ATP8A2: variants seen among roughly 807,000 people sequenced by gnomAD.
The protein encoded by ATP8A2 is ATPase phospholipid transporting 8A2.
Under a neutral mutation model 165.6 loss-of-function variants are expected in ATP8A2, and 100 were observed. The observed-to-expected ratio is 0.60, with a 90% CI of 0.51 to 0.71. The LOEUF (loss-of-function observed/expected upper bound fraction) is 0.71, where lower values mean the gene tolerates loss of function less well. ATP8A2 is among the 30% of genes least tolerant of loss of function. The probability of loss-of-function intolerance (pLI) is 0.00; values close to 1 mark genes in which losing one functional copy is unlikely to be tolerated. For synonymous variants in ATP8A2, 543 were observed against 548.8 expected, an observed-to-expected ratio of 0.99 and a Z score of 0.15; for missense variants, 1,227 against 1,479.5, an observed-to-expected ratio of 0.83 and a Z score of 2.80.
intron 24 of ATP8A2, among the ~76,000 whole-genome samples, chr13:25,623,962 T>TTG (rs112670931): frequency 1.9e-4 from 29 of 151,428 alleles, no homozygotes; most frequent in East Asian, 7.8e-4. Flanking sequence ...TATATCTATA[T>TTG]TGTGTGTGTG....
At chr13:25,877,635 C>G (rs1448522329) in intron 33 of ATP8A2, among the ~76,000 whole-genome samples, 1 of 152,176 alleles carries the variant, frequency 6.6e-6, no homozygotes, top group Non-Finnish European at 1.5e-5. Context: ...TTAAGGGTGT[C>G]TCCTCCCATG....
intron 24 of ATP8A2, among the ~76,000 whole-genome samples, chr13:25,665,649 G>A (rs139025948): frequency 2.0e-5 from 3 of 147,422 alleles, no homozygotes; most frequent in African/African-American, 7.9e-5. Flanking sequence ...TTAAATTCCA[G>A]AAACCATGGA....
intron 27 of ATP8A2, among the ~76,000 whole-genome samples, chr13:25,787,628 C>T (rs919291172): frequency 2.0e-5 from 3 of 152,344 alleles, no homozygotes; most frequent in Non-Finnish European, 4.4e-5. Context: ...GACTTATTTG[C>T]CTCTCCTCCT....
intron 33 of ATP8A2, among the ~76,000 whole-genome samples, chr13:25,895,199 G>C (rs1404558041): frequency 6.6e-6 from 1 of 152,248 alleles, no homozygotes; most frequent in Admixed American, 6.5e-5. Flanking sequence ...ATTATTTTGA[G>C]ATATGTCCCA....
chr13:25,485,621 C>T (rs61948572), intron 2 of ATP8A2, among the ~76,000 whole-genome samples: 6,183 of 152,292 alleles, frequency 0.041, 153 homozygotes, highest in Non-Finnish European at 0.051. Flanking sequence ...ATCGAGGCTT[C>T]CTGTGAGTCC....
chr13:25,620,780 C>T (rs1032898220), intron 24 of ATP8A2, among the ~76,000 whole-genome samples: 1 of 152,056 alleles, frequency 6.6e-6, no homozygotes, highest in Non-Finnish European at 1.5e-5. Flanking sequence ...AATAATTGAA[C>T]AAAATGTTAG....
chr13:25,436,336 C>T (rs1263588856), intron 1 of ATP8A2, among the ~76,000 whole-genome samples: 1 of 152,132 alleles, frequency 6.6e-6, no homozygotes, highest in African/African-American at 2.4e-5. Flanking sequence ...ATGTTTAGCT[C>T]TCCCTTACAA....
chr13:25,565,635 T>C (rs2039290602), intron 16 of ATP8A2, among the ~76,000 whole-genome samples: 1 of 152,258 alleles, frequency 6.6e-6, no homozygotes, highest in Non-Finnish European at 1.5e-5. Context: ...ATTAGTCCTT[T>C]GTCAGATGCA....
At chr13:25,739,490 G>A (rs1223661653) in intron 25 of ATP8A2, among the ~76,000 whole-genome samples, 1 of 152,174 alleles carries the variant, frequency 6.6e-6, no homozygotes, top group African/African-American at 2.4e-5. Context: ...ATAACGTAGA[G>A]GGAGGTTTTC....
intron 33 of ATP8A2, among the ~76,000 whole-genome samples, chr13:25,897,546 C>T (rs375714578): frequency 2.0e-5 from 3 of 152,040 alleles, no homozygotes; most frequent in South Asian, 2.1e-4. Context: ...ATCTTTGTGG[C>T]GTTCTCTGTA....
intron 24 of ATP8A2, among the ~76,000 whole-genome samples, chr13:25,666,751 C>T (rs938658349): frequency 6.6e-6 from 1 of 152,036 alleles, no homozygotes; most frequent in Non-Finnish European, 1.5e-5. Flanking sequence ...ACTTTGCTTT[C>T]AGGGAGACTA....
chr13:25,699,205 T>A lies in ATP8A2; in HGVS notation c.2244T>A (p.Thr748=), dbSNP rs2042898003. The change falls in exon 25 of 37, where the codon ACT becomes ACA. Residue 748 remains threonine, a synonymous_variant. Coordinates refer to ENST00000381655, the MANE Select transcript of ATP8A2 (RefSeq NM_016529.6). ...GGGCAGCCATTACTCAGCACTGCAC[T>A]GACCTTGGGAATTTGCTGGGCAAGG... ...ATRAAITQHC[T]DLGNLLGKEN... 6.2e-7 allele frequency: 1 copy of A among 1,611,916 alleles called. No homozygotes were observed. Among genetic ancestry groups the A allele is most frequent in the Non-Finnish European group, 8.5e-7 (1 of 1,178,948 alleles).
intron 33 of ATP8A2, among the ~76,000 whole-genome samples, chr13:25,912,888 G>T (rs752483788): frequency 6.6e-6 from 1 of 152,172 alleles, no homozygotes; most frequent in Non-Finnish European, 1.5e-5. Context: ...TGAGAAGGAG[G>T]TGTTTGTGGA....
intron 24 of ATP8A2, among the ~76,000 whole-genome samples, chr13:25,678,385 T>G (rs1474650734): frequency 6.6e-6 from 1 of 150,512 alleles, no homozygotes; most frequent in Non-Finnish European, 1.5e-5. Flanking sequence ...GCCGGGAGTA[T>G]TGCTGAGTTT....
intron 1 of ATP8A2, among the ~76,000 whole-genome samples, chr13:25,390,706 G>A (rs2033212905): frequency 6.6e-6 from 1 of 152,106 alleles, no homozygotes; most frequent in African/African-American, 2.4e-5. Context: ...AAGCTGGGTG[G>A]ATCATTTGAG....
intron 33 of ATP8A2, among the ~76,000 whole-genome samples, chr13:25,912,356 G>T (rs931114758): frequency 6.6e-6 from 1 of 152,182 alleles, no homozygotes; most frequent in Non-Finnish European, 1.5e-5. Flanking sequence ...ACTGAAAGAT[G>T]CAGGGAGTAG....
intron 11 of ATP8A2, among the ~76,000 whole-genome samples, chr13:25,553,358 A>C (rs1261191192): frequency 6.6e-6 from 1 of 151,962 alleles, no homozygotes; most frequent in Non-Finnish European, 1.5e-5. Flanking sequence ...TCTCTTGTTC[A>C]CACTTTTGTC....
chr13:25,930,480 G>A (rs973168725), intron 33 of ATP8A2, among the ~76,000 whole-genome samples: 2 of 151,186 alleles, frequency 1.3e-5, no homozygotes. Flanking sequence ...GCCAATTTCT[G>A]CACCTTCTGG....
chr13:25,397,273 CCTT>C (rs1200573530), intron 1 of ATP8A2, among the ~76,000 whole-genome samples: 1 of 152,182 alleles, frequency 6.6e-6, no homozygotes, highest in Admixed American at 6.5e-5. Flanking sequence ...AGGCTTGTCT[CCTT>C]CTTATAGGAC....
Sources: allele counts gnomAD v4.1 joint callset (sites outside exome capture counted in the v4.1 genomes callset), GRCh38; gene constraint gnomAD v4.1.1; transcripts MANE v1.5; gene names NCBI Gene and HGNC (gene_info 2026-07-23, HGNC 2026-07-21).